LRCH1: variants seen among roughly 807,000 people sequenced by gnomAD.
LRCH1 encodes the protein leucine-rich repeat and calponin homology domain-containing protein 1.
Under a neutral mutation model 94.9 loss-of-function variants are expected in LRCH1, and 23 were observed. That is an observed-to-expected ratio of 0.24 (90% CI 0.17 to 0.34). The LOEUF (loss-of-function observed/expected upper bound fraction) is 0.34. LRCH1 is among the 10% of genes least tolerant of loss of function. LRCH1 has a pLI of 1.00. For synonymous variants in LRCH1, 364 were observed against 354.9 expected (o/e 1.03, Z -0.29); for missense variants, 790 against 945.9 (o/e 0.84, Z 2.16).
At chr13:46,596,711 G>A (rs1049041485) in intron 1 of LRCH1, among the ~76,000 whole-genome samples, 4 of 152,186 alleles carry the variant, frequency 2.6e-5, no homozygotes, top group Middle Eastern at 3.2e-3. Flanking sequence ...GGGAAATCCC[G>A]TCATGGGTAG....
At chr13:46,747,407 G>C (rs532083820), downstream of LRCH1, among the ~76,000 whole-genome samples, 1 of 152,136 alleles carries the variant, frequency 6.6e-6, no homozygotes, top group African/African-American at 2.4e-5. Context: ...CAGGCCACTG[G>C]AGCCACTGCT....
At chr13:46,671,811 C>G (rs1394314144) in intron 3 of LRCH1, among the ~76,000 whole-genome samples, 1 of 152,190 alleles carries the variant, frequency 6.6e-6, no homozygotes, top group Non-Finnish European at 1.5e-5. Flanking sequence ...GAGGAAGGTA[C>G]AAAGATATCC....
intron 3 of LRCH1, among the ~76,000 whole-genome samples, chr13:46,669,597 G>A (rs564720563): frequency 3.8e-4 from 58 of 152,250 alleles, no homozygotes; most frequent in Admixed American, 1.2e-3. Context: ...AATCATTGTC[G>A]CAAATCGTTG....
chr13:46,672,796 T>C (rs934275251), intron 3 of LRCH1, among the ~76,000 whole-genome samples: 1 of 152,174 alleles, frequency 6.6e-6, no homozygotes, highest in Non-Finnish European at 1.5e-5. Flanking sequence ...GGTTCTAGGA[T>C]CTTAGAGTGA....
At chr13:46,566,432 A>G (rs927665048) in intron 1 of LRCH1, among the ~76,000 whole-genome samples, 3 of 152,174 alleles carry the variant, frequency 2.0e-5, no homozygotes, top group Admixed American at 6.5e-5. Flanking sequence ...TGATATGGTA[A>G]CTCGGAAGGG....
chr13:46,685,049 G>A (rs373761914), intron 4 of LRCH1, among the ~76,000 whole-genome samples: 10 of 152,070 alleles, frequency 6.6e-5, no homozygotes, highest in Admixed American at 5.9e-4. Context: ...GTTTTAAAGC[G>A]CAATATTCCA....
chr13:46,733,931 G>A lies in LRCH1; in HGVS notation c.2018G>A (p.Ser673Asn). Residue 673 changes from serine to asparagine, a missense_variant, in exon 19 of 20, where the codon AGC becomes AAC. By Grantham distance (46) the Ser-to-Asn change is conservative. Transcript: ENST00000389797. ...HVPSPAVPKL[S>N]MAKCRRNVEN... ...TATTTGCATTTATAGCCCAAACTTAGCATGGCCAAATGCAGAAGAAATGTG... is the reference window on the plus strand; with the variant it reads ...TATTTGCATTTATAGCCCAAACTTAACATGGCCAAATGCAGAAGAAATGTG... The A allele has an allele frequency of 1.3e-6, 2 of 1,598,578 alleles. No individual in the cohort carries two copies. The highest frequency in any genetic ancestry group is 1.7e-6 in the Non-Finnish European group (2 of 1,171,950).
intron 1 of LRCH1, among the ~76,000 whole-genome samples, chr13:46,588,943 G>A (rs2050466678): frequency 6.6e-6 from 1 of 152,028 alleles, no homozygotes; most frequent in Non-Finnish European, 1.5e-5. Context: ...ATGTGTATGT[G>A]AAGGTATGCG....
At chr13:46,751,015 G>C (rs4942574) in exon 19 of LRCH1, 3 of 156,344 alleles carry the variant, frequency 1.9e-5, no homozygotes, top group East Asian at 1.8e-4. Flanking sequence ...AACCAAACTC[G>C]TTATGTATTT....
chr13:46,702,688 A>G (rs951611436), intron 11 of LRCH1, among the ~76,000 whole-genome samples: 3 of 152,128 alleles, frequency 2.0e-5, no homozygotes, highest in African/African-American at 7.2e-5. Context: ...TTCAAGAAAA[A>G]GAGAAATTCT....
chr13:46,738,009 A>C (rs1370130304), intron 19 of LRCH1, among the ~76,000 whole-genome samples: 1 of 152,218 alleles, frequency 6.6e-6, no homozygotes, highest in African/African-American at 2.4e-5. Context: ...AACTTCTGTA[A>C]GGCATGAGAT....
chr13:46,749,673 G>C (rs1370254648), downstream of LRCH1, among the ~76,000 whole-genome samples: 1 of 152,154 alleles, frequency 6.6e-6, no homozygotes, highest in Admixed American at 6.5e-5. Context: ...AAAACACACT[G>C]TCATCAAGTA....
chr13:46,733,812 C>T, intron 18 of LRCH1, 109 bp from the exon 19 acceptor site: 1 of 598,154 alleles, frequency 1.7e-6, no homozygotes. Flanking sequence ...TTCTTTTGCT[C>T]CAATAAACAT....
intron 16 of LRCH1, among the ~76,000 whole-genome samples, chr13:46,722,981 G>T (rs17068723): frequency 0.011 from 1,633 of 152,244 alleles, 37 homozygotes; most frequent in African/African-American, 0.037. Flanking sequence ...CCTTGCCCTG[G>T]GTTCAGTTTA....
At chr13:46,711,308 C>T (rs994970414) in intron 13 of LRCH1, among the ~76,000 whole-genome samples, 19 of 152,236 alleles carry the variant, frequency 1.2e-4, no homozygotes, top group African/African-American at 4.6e-4. Flanking sequence ...TTTCTCTTAA[C>T]CAGTAGTTGC....
intron 19 of LRCH1, among the ~76,000 whole-genome samples, chr13:46,740,971 G>A (rs1873622627): frequency 6.6e-6 from 1 of 152,084 alleles, no homozygotes; most frequent in Non-Finnish European, 1.5e-5. Flanking sequence ...CCATGTGGGG[G>A]TGTACTTTTA....
At chr13:46,574,708 T>G (rs7319949) in intron 1 of LRCH1, among the ~76,000 whole-genome samples, 129,152 of 152,220 alleles carry the variant, frequency 0.85, 55,313 homozygotes, top group African/African-American at 0.96. Flanking sequence ...TAAAAGGAAG[T>G]TAAACACATT....
chr13:46,678,467 C>T (rs1401307970), intron 3 of LRCH1, among the ~76,000 whole-genome samples: 3 of 152,106 alleles, frequency 2.0e-5, no homozygotes, highest in Non-Finnish European at 4.4e-5. Context: ...TCTGCTTGGG[C>T]GTTTTCCCCC....
chr13:46,735,859 C>T (rs548614896), intron 19 of LRCH1, among the ~76,000 whole-genome samples: 3 of 145,902 alleles, frequency 2.1e-5, no homozygotes, highest in Non-Finnish European at 4.5e-5. Flanking sequence ...TGCAGTGGCA[C>T]GATCTCAGCT....
Sources: allele counts gnomAD v4.1 joint callset (sites outside exome capture counted in the v4.1 genomes callset), GRCh38; gene constraint gnomAD v4.1.1; transcripts MANE v1.5; gene names NCBI Gene and HGNC (gene_info 2026-07-23, HGNC 2026-07-21).